The following CCDC88A variants were observed in gnomAD, a reference collection of about 807,000 sequenced individuals.
CCDC88A encodes coiled-coil and HOOK domain protein 88A, also known as girdin.
A neutral mutation model predicts 234.3 loss-of-function variants in CCDC88A; 54 were observed. The observed-to-expected ratio is 0.23, with a 90% CI of 0.19 to 0.29. The LOEUF (loss-of-function observed/expected upper bound fraction) is 0.29. CCDC88A is among the 10% of genes least tolerant of loss of function. CCDC88A has a pLI of 1.00. For synonymous variants in CCDC88A, 753 were observed against 737.8 expected (o/e 1.02, Z -0.33); for missense variants, 1,832 against 2,123.4 (o/e 0.86, Z 2.70).
chr2:55,371,185 G>A (rs1363502472), intron 5 of CCDC88A, among the ~76,000 whole-genome samples: 1 of 152,156 alleles, frequency 6.6e-6, no homozygotes, highest in Non-Finnish European at 1.5e-5. Flanking sequence ...CATAAAGGCT[G>A]TAAATACGAG....
intron 25 of CCDC88A, 168 bp downstream of exon 25, chr2:55,308,641 G>C (rs765732323): frequency 1.7e-6 from 1 of 593,968 alleles, no homozygotes; most frequent in Non-Finnish European, 3.0e-6. Context: ...ATTTACCTCA[G>C]AAAATTGTGT....
At chr2:55,298,992 G>T (rs1419658593) in intron 29 of CCDC88A, among the ~76,000 whole-genome samples, 1 of 152,074 alleles carries the variant, frequency 6.6e-6, no homozygotes, top group Non-Finnish European at 1.5e-5. Flanking sequence ...CTGAGGTCAG[G>T]AGTTCAAGAC....
At position 55,316,079 on chromosome 2, in the gene CCDC88A, G is replaced by T. The variant is rs748764467; in HGVS notation, c.3782C>A (p.Thr1261Asn). 1.9e-6 allele frequency: 3 copies of T among 1,549,654 alleles called. No individual in the cohort carries two copies. Among genetic ancestry groups the T allele is most frequent in the African/African-American group, 1.4e-5 (1 of 72,884 alleles). Residue 1261 changes from threonine to asparagine, a missense_variant, in exon 22 of 33, where the codon ACT becomes AAT. Coordinates refer to ENST00000436346, the MANE Select transcript of CCDC88A (RefSeq NM_001365480.1). ...TTTATGGTCAGTTTGTAAAACTTCA[G>T]TCTCTTTTAAAAGTTGACTATAGGT... ...NHTYSQLLKE[T>N]EVLQTDHKNL...
At chr2:55,401,985 T>C (rs1318615373) in intron 2 of CCDC88A, among the ~76,000 whole-genome samples, 2 of 77,340 alleles carry the variant, frequency 2.6e-5, no homozygotes, top group South Asian at 4.2e-4. Flanking sequence ...ATAAAATGGC[T>C]GAACCCACCC....
intron 2 of CCDC88A, among the ~76,000 whole-genome samples, chr2:55,416,423 G>A (rs1681395094): frequency 1.3e-5 from 1 of 77,110 alleles, no homozygotes; most frequent in South Asian, 5.1e-4. Flanking sequence ...GGGTGAAGAG[G>A]TCAAATAAAT....
intron 3 of CCDC88A, among the ~76,000 whole-genome samples, chr2:55,383,894 G>A (rs1217420858): frequency 6.6e-6 from 1 of 152,102 alleles, no homozygotes; most frequent in Non-Finnish European, 1.5e-5. Context: ...TCTATTAACT[G>A]TATATATAAA....
intron 13 of CCDC88A, chr2:55,337,022 C>T (rs1685527844): frequency 2.6e-6 from 1 of 383,776 alleles, no homozygotes; most frequent in Admixed American, 4.7e-5. Flanking sequence ...ATTTCTTATC[C>T]TTGTGCATCT....
intron 12 of CCDC88A, among the ~76,000 whole-genome samples, chr2:55,342,384 T>G (rs1452931060): frequency 6.6e-6 from 1 of 152,122 alleles, no homozygotes; most frequent in Non-Finnish European, 1.5e-5. Context: ...ATAATGATAT[T>G]TAATACTTGA....
At position 55,308,962 on chromosome 2, in the gene CCDC88A, G is replaced by C. The variant is rs778102048; in HGVS notation, c.4234C>G (p.Arg1412Gly). 5.6e-6 allele frequency: 9 copies of C among 1,613,880 alleles called. No homozygotes were observed. The highest frequency in any genetic ancestry group is 5.9e-6 in the Non-Finnish European group (7 of 1,179,944). Reference protein sequence around the residue: ...KLIKSKKDINRERQKSLTLTP... With the variant: ...KLIKSKKDINGERQKSLTLTP... ...AATGTTAGAGATTTCTGGCGTTCCC[G>C]ATTAATATCTTTCTTAGACTTTATC... The change falls in exon 25 of 33, where the codon CGG becomes GGG. Residue 1412 changes from arginine to glycine, a missense_variant. By Grantham distance (125) the Arg-to-Gly change is moderately radical (BLOSUM62 -2). Coordinates refer to ENST00000436346, the MANE Select transcript of CCDC88A (RefSeq NM_001365480.1).
chr2:55,381,799 C>T (rs181261956), intron 3 of CCDC88A, among the ~76,000 whole-genome samples: 2 of 152,276 alleles, frequency 1.3e-5, no homozygotes, highest in Admixed American at 6.5e-5. Context: ...GGCCTCACTT[C>T]GCTTTCCTGA....
At chr2:55,395,625 A>C (rs949922749) in intron 2 of CCDC88A, among the ~76,000 whole-genome samples, 6 of 152,216 alleles carry the variant, frequency 3.9e-5, no homozygotes, top group Admixed American at 2.6e-4. Flanking sequence ...AGTGTTTTTT[A>C]AACCATTGCT....
At chr2:55,351,404 G>A (rs1669870484) in intron 8 of CCDC88A, among the ~76,000 whole-genome samples, 1 of 151,938 alleles carries the variant, frequency 6.6e-6, no homozygotes, top group Non-Finnish European at 1.5e-5. Context: ...CTAGAGTGTA[G>A]TGGTGCAGTC....
At chr2:55,294,191 T>C in intron 31 of CCDC88A, 1 of 846,642 alleles carries the variant, frequency 1.2e-6, no homozygotes, top group Non-Finnish European at 1.4e-6. Flanking sequence ...ATTTGGTTTA[T>C]TTCTCTTTGA....
At chr2:55,333,211 C>T (rs7558687) in intron 15 of CCDC88A, among the ~76,000 whole-genome samples, 1 of 151,908 alleles carries the variant, frequency 6.6e-6, no homozygotes, top group Non-Finnish European at 1.5e-5. Flanking sequence ...GCTTCTTTAG[C>T]AGAAATGCAG....
chr2:55,419,023 G>T lies in CCDC88A; in HGVS notation c.57C>A (p.Val19=). ...LLEQFMTSPL[V]TWVKTFGPLA... is the part of the protein sequence containing the mutation. ...TAAAGGACACCCCACTTACCCAAGT[G>T]ACCAAAGGGCTGGTCATGAACTGCT... The change falls in exon 1 of 33, where the codon GTC becomes GTA. Residue 19 remains valine, a synonymous_variant. Transcript: ENST00000436346. 1 of 1,612,758 alleles carries T rather than the reference G, an allele frequency of 6.2e-7. No individual in the cohort carries two copies. Among genetic ancestry groups the T allele is most frequent in the South Asian group, 1.1e-5 (1 of 91,024 alleles).
intron 4 of CCDC88A, among the ~76,000 whole-genome samples, chr2:55,373,965 T>C (rs551569441): frequency 1.3e-5 from 2 of 152,352 alleles, no homozygotes; most frequent in Admixed American, 1.3e-4. Context: ...AAAATTACAA[T>C]TCTAAAATAT....
rs1237903952 is a variant in CCDC88A at position 55,296,419 on chromosome 2, G to A, written c.4930C>T (p.Gln1644Ter). The A allele has an allele frequency of 6.2e-7, 1 of 1,614,192 alleles. No individual in the cohort carries two copies. Reference sequence around the variant, plus strand: ...GATCTGGTCTGTCTTTTCAAGTACTGGATTGGACTGCTACCACTGCTGGAC... The same window carrying A: ...GATCTGGTCTGTCTTTTCAAGTACTAGATTGGACTGCTACCACTGCTGGAC... ...AWSSSGSSPIQYLKRQTRSSP... is the reference protein window; with the variant it reads ...AWSSSGSSPI Residue 1644 changes from glutamine to a stop codon, truncating the protein, a stop_gained, in exon 30 of 33, where the codon CAG (glutamine) becomes TAG (stop). Transcript: ENST00000436346. LOFTEE classifies it high-confidence loss of function.
chr2:55,340,896 G>C (rs1333424267), intron 12 of CCDC88A, among the ~76,000 whole-genome samples: 2 of 151,986 alleles, frequency 1.3e-5, no homozygotes, highest in South Asian at 2.1e-4. Flanking sequence ...ATACACAATA[G>C]ATCTCTTAAA....
At chr2:55,406,231 T>A (rs979752218) in intron 2 of CCDC88A, 1 of 152,076 alleles carries the variant, frequency 6.6e-6, no homozygotes, top group Non-Finnish European at 1.5e-5. Context: ...GGAAATATAG[T>A]CTAATTCATT....
Sources: allele counts gnomAD v4.1 joint callset (sites outside exome capture counted in the v4.1 genomes callset), GRCh38; gene constraint gnomAD v4.1.1; transcripts MANE v1.5; gene names NCBI Gene and HGNC (gene_info 2026-07-23, HGNC 2026-07-21).